Variants in RXFP2 observed in about 807,000 individuals in gnomAD.
RXFP2 encodes the protein relaxin receptor 2.
Under a neutral mutation model 88.6 loss-of-function variants are expected in RXFP2, and 68 were observed. The ratio of observed to expected loss-of-function variants is 0.77; its 90% CI spans 0.63 to 0.94. RXFP2 has a LOEUF of 0.94. Ranked by LOEUF, RXFP2 falls within the 40% of genes least tolerant of loss-of-function variation. The pLI is 0.00. For missense variants in RXFP2, 791 were observed against 893.9 expected (o/e 0.88, Z 1.47); for synonymous variants, 329 against 306.8 (o/e 1.07, Z -0.76).
intron 16 of RXFP2, 34 bp downstream of exon 16, chr13:31,793,122 T>A: frequency 6.4e-7 from 1 of 1,551,584 alleles, no homozygotes; most frequent in Non-Finnish European, 8.9e-7. Flanking sequence ...TGGAAAAACA[T>A]AATTTTGCTA....
rs766932233 is a variant in RXFP2 at position 31,781,764 on chromosome 13, C to T, written c.857+22C>T. The T allele has an allele frequency of 1.1e-5, 17 of 1,563,994 alleles. 1 individual carries two copies. In the South Asian group the frequency reaches 1.9e-4, roughly 17 times the overall value. On this transcript the variant is annotated intron_variant, in intron 10 of 17. Coordinates refer to ENST00000298386, the MANE Select transcript of RXFP2 (RefSeq NM_130806.5). ...TGCTGTAAGTATACAATGGACTTCA[C>T]TAAATGAGGGGAAACCCTATATATT...
intron 7 of RXFP2, 39 bp downstream of exon 7, chr13:31,775,428 TA>T: frequency 7.1e-7 from 1 of 1,406,722 alleles, no homozygotes; most frequent in South Asian, 1.2e-5. Flanking sequence ...TAGAGGATCA[TA>T]GTCTTGATGA....
intron 1 of RXFP2, among the ~76,000 whole-genome samples, chr13:31,749,818 T>G (rs1303537194): frequency 6.6e-6 from 1 of 152,194 alleles, no homozygotes; most frequent in Non-Finnish European, 1.5e-5. Context: ...ATAATCACAG[T>G]TTTATGTCTT....
At chr13:31,777,940 A>G (rs1235423128) in intron 8 of RXFP2, among the ~76,000 whole-genome samples, 1 of 152,214 alleles carries the variant, frequency 6.6e-6, no homozygotes, top group Non-Finnish European at 1.5e-5. Flanking sequence ...ATTTATCAGC[A>G]GGGGATTATT....
At chr13:31,786,314 T>C (rs1210884804) in intron 11 of RXFP2, 69 bp from the exon 12 acceptor site, 8 of 1,043,232 alleles carry the variant, frequency 7.7e-6, no homozygotes, top group Middle Eastern at 2.0e-4. Flanking sequence ...ATGATGATAA[T>C]TGTGAGGAGT....
chr13:31,794,888 T>C (rs1873956705), intron 16 of RXFP2, among the ~76,000 whole-genome samples: 1 of 149,378 alleles, frequency 6.7e-6, no homozygotes, highest in Non-Finnish European at 1.5e-5. Context: ...AAAGAGATCG[T>C]CACACACACA....
intron 1 of RXFP2, among the ~76,000 whole-genome samples, chr13:31,747,147 T>A (rs1871459944): frequency 6.6e-6 from 1 of 152,194 alleles, no homozygotes; most frequent in Non-Finnish European, 1.5e-5. Context: ...TACATGCTGT[T>A]ATTTTTGTTC....
chr13:31,742,907 A>G (rs1474443434), intron 1 of RXFP2, among the ~76,000 whole-genome samples: 1 of 152,244 alleles, frequency 6.6e-6, no homozygotes, highest in East Asian at 1.9e-4. Flanking sequence ...TTTATTTGGT[A>G]AACATATAAC....
At chr13:31,800,728 T>C (rs1208385704) in intron 17 of RXFP2, among the ~76,000 whole-genome samples, 1 of 152,226 alleles carries the variant, frequency 6.6e-6, no homozygotes, top group Non-Finnish European at 1.5e-5. Flanking sequence ...TCAGGCATTG[T>C]TTTTCTGTGA....
chr13:31,777,425 G>C lies in RXFP2; in HGVS notation c.691G>C (p.Gly231Arg). 1 of 1,611,252 alleles carries C rather than the reference G, an allele frequency of 6.2e-7. No individual in the cohort carries two copies. Among genetic ancestry groups the C allele is most frequent in the South Asian group, 1.1e-5 (1 of 90,826 alleles). ...ITRISQRLFTGLNSLFFLSMV... is the reference protein window; with the variant it reads ...ITRISQRLFTRLNSLFFLSMV... Reference sequence around the variant, plus strand: ...CAGAATTTCACAGCGCTTGTTTACGGGATTAAATTCCTTGTTTTTCCTGTA... The same window carrying C: ...CAGAATTTCACAGCGCTTGTTTACGCGATTAAATTCCTTGTTTTTCCTGTA... Residue 231 changes from glycine (G) to arginine (R), a missense_variant, in exon 8 of 18, where the codon GGA (glycine) becomes CGA (arginine). By Grantham distance (125) the Gly-to-Arg change is moderately radical. Transcript: ENST00000298386.
chr13:31,768,996 G>C (rs1490181497), intron 5 of RXFP2, among the ~76,000 whole-genome samples: 2 of 152,188 alleles, frequency 1.3e-5, no homozygotes, highest in South Asian at 2.1e-4. Context: ...ATGGAATCTG[G>C]TAGCAGGAGA....
chr13:31,774,724 A>G, intron 6 of RXFP2, 33 bp downstream of exon 6: 1 of 1,109,602 alleles, frequency 9.0e-7, no homozygotes, highest in Non-Finnish European at 1.4e-6. Context: ...TGTAGGTATA[A>G]TTTTAAGCAA....
At chr13:31,787,002 A>G (rs1873576974) in intron 13 of RXFP2, among the ~76,000 whole-genome samples, 2 of 152,354 alleles carry the variant, frequency 1.3e-5, no homozygotes, top group South Asian at 2.1e-4. Flanking sequence ...GCCCTTTCCT[A>G]CAAGGATCTA....
intron 6 of RXFP2, 77 bp from the exon 7 acceptor site, chr13:31,775,241 G>T: frequency 8.9e-7 from 1 of 1,126,418 alleles, no homozygotes; most frequent in Non-Finnish European, 1.4e-6. Context: ...ATCATCATCA[G>T]TGGCTCATAT....
At chr13:31,758,571 C>T (rs1212843931) in intron 2 of RXFP2, among the ~76,000 whole-genome samples, 167 bp downstream of exon 2, 1 of 152,090 alleles carries the variant, frequency 6.6e-6, no homozygotes, top group Non-Finnish European at 1.5e-5. Flanking sequence ...GTGATAACGA[C>T]CTGAATTTTT....
intron 7 of RXFP2, among the ~76,000 whole-genome samples, chr13:31,776,118 C>CTTTCT: frequency 7.2e-6 from 1 of 139,308 alleles, no homozygotes; most frequent in African/African-American, 2.7e-5. Context: ...TTCTTTCTTT[C>CTTTCT]TTTCTTTCTT....
At chr13:31,767,159 T>C (rs1316335337) in intron 5 of RXFP2, among the ~76,000 whole-genome samples, 1 of 152,224 alleles carries the variant, frequency 6.6e-6, no homozygotes, top group Non-Finnish European at 1.5e-5. Flanking sequence ...TCAAGGATTT[T>C]GTGTTCCTGA....
chr13:31,793,133 G>T, intron 16 of RXFP2, 45 bp downstream of exon 16: 1 of 1,496,968 alleles, frequency 6.7e-7, no homozygotes, highest in Non-Finnish European at 9.3e-7. Flanking sequence ...AATTTTGCTA[G>T]AAATACGTTA....
Position 31,758,400 on chromosome 13 carries a change from C to A in RXFP2, c.237C>A (p.Asn79Lys). The A allele has an allele frequency of 6.2e-7, 1 of 1,614,082 alleles. No homozygotes were observed. Among genetic ancestry groups the A allele is most frequent in the African/African-American group, 1.3e-5 (1 of 75,030 alleles). ...DDCGNGADEE[N>K]CGDTSGWATI... ...GTGGGAACGGGGCGGACGAAGAGAA[C>A]TGTGGTGAGTGCTCCCCTCGGCTCC... The change falls in exon 2 of 18, where the codon AAC becomes AAA. Residue 79 changes from asparagine (N) to lysine (K), a missense_variant. Coordinates refer to ENST00000298386, the MANE Select transcript of RXFP2 (RefSeq NM_130806.5).
Sources: gnomAD v4.1 joint callset for allele counts (sites outside exome capture counted in the v4.1 genomes callset) on GRCh38, gnomAD v4.1.1 for gene constraint, MANE v1.5 for transcripts, NCBI Gene and HGNC (gene_info 2026-07-23, HGNC 2026-07-21) for gene names.